Variants in RYR2 observed in about 807,000 individuals in gnomAD.
RYR2 encodes ryanodine receptor 2.
RYR2 carries 227 observed loss-of-function variants against 601.1 expected under a neutral mutation model. That is an observed-to-expected ratio of 0.38 (90% CI 0.34 to 0.42). The LOEUF (loss-of-function observed/expected upper bound fraction) is 0.42. Ranked by LOEUF, RYR2 falls within the 10% of genes least tolerant of loss-of-function variation. The probability of loss-of-function intolerance (pLI) is 1.00; values close to 1 mark genes in which losing one functional copy is unlikely to be tolerated. For missense variants in RYR2, 4,646 were observed against 6,156.5 expected (o/e 0.75, Z 8.21); for synonymous variants, 2,223 against 2,175.1 (o/e 1.02, Z -0.61).
At chr1:237,613,279 G>A (rs75198469) in intron 36 of RYR2, among the ~76,000 whole-genome samples, 522 of 152,244 alleles carry the variant, frequency 3.4e-3, no homozygotes, top group African/African-American at 0.012. Context: ...TTGGTCAGCG[G>A]GGGTGGTTTA....
intron 50 of RYR2, among the ~76,000 whole-genome samples, chr1:237,650,855 C>G (rs1682658868): frequency 6.6e-6 from 1 of 152,204 alleles, no homozygotes; most frequent in African/African-American, 2.4e-5. Context: ...CTTCCCTAAT[C>G]TAAGATTCTG....
At chr1:237,204,160 G>A (rs1681515446) in intron 1 of RYR2, among the ~76,000 whole-genome samples, 1 of 152,108 alleles carries the variant, frequency 6.6e-6, no homozygotes, top group African/African-American at 2.4e-5. Context: ...ACAGATGTGT[G>A]CCACCACGCC....
intron 1 of RYR2, among the ~76,000 whole-genome samples, chr1:237,142,177 G>T (rs1292837331): frequency 6.6e-6 from 1 of 152,200 alleles, no homozygotes. Context: ...GGCTCCAGCA[G>T]CCTGAGGGAA....
intron 58 of RYR2, 145 bp from the exon 59 acceptor site, chr1:237,673,951 C>A: frequency 1.9e-6 from 1 of 530,478 alleles, no homozygotes; most frequent in Non-Finnish European, 3.3e-6. Context: ...ACATTAAAGG[C>A]AGTAGAGGCA....
In RYR2 at chr1:237,651,425, C is replaced by T. The variant is rs1426658193; in HGVS notation, c.7748C>T (p.Ser2583Phe). The change falls in exon 51 of 105, where the codon TCT becomes TTT. Residue 2583 changes from serine to phenylalanine, a missense_variant. By Grantham distance (155) the Ser-to-Phe change is radical. This residue lies in a region of RYR2 where 1,497 missense variants were observed against 1,842.6 expected (regional missense o/e 0.81). Transcript: ENST00000366574. ...TGTTCCAACAGACAACTGAGACCTT[C>T]TATGATGCAGCACTTACTCAGAAGA... ...LLSICGQLRPSMMQHLLRRLV... is the reference protein window; with the variant it reads ...LLSICGQLRPFMMQHLLRRLV... 2 of 1,594,756 alleles carry T rather than the reference C, an allele frequency of 1.3e-6. No individual in the cohort carries two copies. Among genetic ancestry groups the T allele is most frequent in the African/African-American group, 2.7e-5 (2 of 74,662 alleles).
chr1:237,523,676 G>A (rs1312459204), intron 24 of RYR2, among the ~76,000 whole-genome samples: 1 of 151,912 alleles, frequency 6.6e-6, no homozygotes, highest in Non-Finnish European at 1.5e-5. Context: ...GGAAGTGGTT[G>A]CCGTGAGCCG....
At chr1:237,148,078 C>T (rs1481529187) in intron 1 of RYR2, among the ~76,000 whole-genome samples, 3 of 152,130 alleles carry the variant, frequency 2.0e-5, no homozygotes, top group African/African-American at 7.2e-5. Flanking sequence ...CACCGCATGT[C>T]GTGTCACACA....
intron 8 of RYR2, 82 bp from the exon 9 acceptor site, chr1:237,387,199 T>A: frequency 8.1e-7 from 1 of 1,231,660 alleles, no homozygotes; most frequent in Non-Finnish European, 1.2e-6. Flanking sequence ...ATCAGCAACG[T>A]TAAGTTTGCA....
At chr1:237,800,879 TA>T (rs1365371092) in intron 97 of RYR2, among the ~76,000 whole-genome samples, 1 of 152,120 alleles carries the variant, frequency 6.6e-6, no homozygotes, top group Non-Finnish European at 1.5e-5. Context: ...GAGAGAGGCA[TA>T]TAACCACCTA....
chr1:237,791,792 A>G lies in RYR2; in HGVS notation c.13563+277A>G, dbSNP rs1658401918. The stretch of plus-strand genomic sequence containing the variant: ...TTAGCTGAATATCTTATTTGTGACT[A>G]TGCCTGGGTGTGGCATACCGTATTA... On this transcript the variant is annotated intron_variant, in intron 93 of 104. Transcript: ENST00000366574. 8 of 557,652 alleles carry G rather than the reference A, an allele frequency of 1.4e-5. No individual in the cohort carries two copies. The South Asian group carries it at 1.7e-4, about 12-fold the overall frequency. The allele number at this position is 557,652 out of a possible 1,614,324, so 34.5% of individuals were successfully genotyped here. A position where few individuals can be genotyped will look rare whatever the true frequency, so the allele number is the denominator to read the frequency against.
intron 68 of RYR2, among the ~76,000 whole-genome samples, chr1:237,707,623 G>A (rs1688490287): frequency 6.6e-6 from 1 of 152,048 alleles, no homozygotes; most frequent in African/African-American, 2.4e-5. Flanking sequence ...AGAGAAGGGA[G>A]GGTAAACCAA....
chr1:237,667,521 A>G (rs927315125), intron 57 of RYR2, among the ~76,000 whole-genome samples: 5 of 152,226 alleles, frequency 3.3e-5, no homozygotes, highest in African/African-American at 7.2e-5. Flanking sequence ...AACATTCTCC[A>G]TATTCAAGTT....
intron 48 of RYR2, among the ~76,000 whole-genome samples, chr1:237,645,520 T>TTAGGAAATAGGGAAGCATTAA: frequency 6.6e-6 from 1 of 152,300 alleles, no homozygotes; most frequent in Non-Finnish European, 1.5e-5. Context: ...GACATACAGA[T>TTAGGAAATAGGGAAGCATTAA]TAGGAAATAG....
intron 1 of RYR2, among the ~76,000 whole-genome samples, chr1:237,165,280 C>T (rs1359030630): frequency 1.3e-5 from 2 of 152,164 alleles, no homozygotes; most frequent in Non-Finnish European, 2.9e-5. Flanking sequence ...ATCAGTAACG[C>T]TGTAGAAATG....
intron 98 of RYR2, among the ~76,000 whole-genome samples, chr1:237,804,611 C>A (rs962909201): frequency 6.6e-6 from 1 of 152,030 alleles, no homozygotes; most frequent in African/African-American, 2.4e-5. Flanking sequence ...ATTCATTTTC[C>A]AGCCTATGTG....
At chr1:237,538,998 C>G (rs565124141) in intron 25 of RYR2, among the ~76,000 whole-genome samples, 1 of 152,024 alleles carries the variant, frequency 6.6e-6, no homozygotes. Flanking sequence ...CATAACCTAG[C>G]GGATGACTTT....
At chr1:237,472,452 C>T (rs942181113) in intron 17 of RYR2, among the ~76,000 whole-genome samples, 1 of 152,160 alleles carries the variant, frequency 6.6e-6, no homozygotes, top group Non-Finnish European at 1.5e-5. Flanking sequence ...TGGCCTGAAA[C>T]ACCTCGTTTA....
chr1:237,112,225 T>C (rs1669559469), intron 1 of RYR2, among the ~76,000 whole-genome samples: 1 of 152,178 alleles, frequency 6.6e-6, no homozygotes, highest in Non-Finnish European at 1.5e-5. Flanking sequence ...GCGATTCTCC[T>C]GCCTCAGCCT....
At chr1:237,515,181 T>C (rs1666294667) in intron 24 of RYR2, among the ~76,000 whole-genome samples, 2 of 152,188 alleles carry the variant, frequency 1.3e-5, no homozygotes, top group African/African-American at 4.8e-5. Flanking sequence ...AGATCATGCC[T>C]GCCAGATGAC....
Sources: gnomAD v4.1 joint callset for allele counts (sites outside exome capture counted in the v4.1 genomes callset) on GRCh38, gnomAD v4.1.1 for gene constraint, gnomAD v4.1.1 regional missense constraint, MANE v1.5 for transcripts, NCBI Gene and HGNC (gene_info 2026-07-23, HGNC 2026-07-21) for gene names.